The following ZNF827 variants were observed in gnomAD, a reference collection of about 807,000 sequenced individuals.
ZNF827 encodes zinc finger protein 827.
A neutral mutation model predicts 102.4 loss-of-function variants in ZNF827; 13 were observed. That is an observed-to-expected ratio of 0.13 (90% CI 0.08 to 0.20). The LOEUF (loss-of-function observed/expected upper bound fraction) is 0.20. Among genes scored for constraint, ZNF827 ranks in the 10% least tolerant of loss-of-function variants. ZNF827 has a pLI of 1.00. For synonymous variants in ZNF827, 523 were observed against 536.2 expected, an observed-to-expected ratio of 0.98 and a Z score of 0.34; for missense variants, 1,103 against 1,344.4, an observed-to-expected ratio of 0.82 and a Z score of 2.81.
intron 8 of ZNF827, among the ~76,000 whole-genome samples, chr4:145,781,368 T>C (rs969560922): frequency 6.6e-6 from 1 of 152,082 alleles, no homozygotes; most frequent in Non-Finnish European, 1.5e-5. Context: ...GGGATCAATT[T>C]TCACTGGAAT....
At position 145,760,499 on chromosome 4, in the gene ZNF827, A is replaced by G. The variant is rs111734519; in HGVS notation, c.*1117T>C. On this transcript the variant is annotated 3_prime_UTR_variant, in exon 15 of 15. Transcript: ENST00000508784. ...AGTACGGAGAAGGGCTGAGAGTGGGAGTGGGTGGCTGGGGAGGCATGCCTC... is the reference window on the plus strand; with the variant it reads ...AGTACGGAGAAGGGCTGAGAGTGGGGGTGGGTGGCTGGGGAGGCATGCCTC... 935 of 155,730 alleles carry G rather than the reference A, an allele frequency of 6.0e-3. 10 individuals are homozygous for G. Among genetic ancestry groups the G allele is most frequent in the African/African-American group, 0.021 (868 of 41,556 alleles). The allele number at this position is 155,730 out of a possible 1,614,324, so 9.6% of individuals were successfully genotyped here.
intron 1 of ZNF827, among the ~76,000 whole-genome samples, chr4:145,929,241 C>A (rs539946863): frequency 6.6e-6 from 1 of 152,256 alleles, no homozygotes; most frequent in African/African-American, 2.4e-5. Context: ...GCAGACCCTG[C>A]CTTTCCTTCT....
intron 8 of ZNF827, among the ~76,000 whole-genome samples, chr4:145,813,491 C>T (rs930343724): frequency 1.3e-5 from 2 of 149,482 alleles, no homozygotes; most frequent in African/African-American, 2.4e-5. Flanking sequence ...TGTTTTCAGG[C>T]CTCCACTAGG....
In ZNF827 at chr4:145,761,215, C is replaced by T. The variant is rs1285431956; in HGVS notation, c.*401G>A. 7.0e-6 allele frequency: 9 copies of T among 1,289,702 alleles called. No individual in the cohort carries two copies. The highest frequency in any genetic ancestry group is 8.1e-6 in the Non-Finnish European group (8 of 988,876). 79.9% of individuals were successfully genotyped at this position (1,289,702 alleles called of 1,614,324 possible). ...CCCACTCTGGTGCTTCTTGACGTGG[C>T]GGCTGAAGACGAAAGGGTGTGTGGT... is the stretch of plus-strand genomic sequence containing the variant. On this transcript the variant is annotated 3_prime_UTR_variant, in exon 15 of 15. Coordinates refer to ENST00000508784, the MANE Select transcript of ZNF827 (RefSeq NM_001306215.2). The surrounding 1 kb of genome is among the most constrained non-coding windows in gnomAD (Gnocchi z 6.8).
chr4:145,883,017 A>G (rs1005236559), intron 4 of ZNF827, among the ~76,000 whole-genome samples: 1 of 152,040 alleles, frequency 6.6e-6, no homozygotes, highest in Admixed American at 6.5e-5. Flanking sequence ...CAGTGAGAGC[A>G]GCTATCAAAC....
At chr4:145,787,785 T>C (rs548518088) in intron 8 of ZNF827, among the ~76,000 whole-genome samples, 1 of 152,290 alleles carries the variant, frequency 6.6e-6, no homozygotes, top group Admixed American at 6.5e-5. Context: ...AGGACTCTGA[T>C]ACTTCCAATC....
At chr4:145,936,536 T>A (rs936566274) in intron 1 of ZNF827, among the ~76,000 whole-genome samples, 9 of 152,112 alleles carry the variant, frequency 5.9e-5, no homozygotes, top group Non-Finnish European at 1.0e-4. Context: ...AGAGGAATGT[T>A]TGCGGAGCGG....
intron 8 of ZNF827, among the ~76,000 whole-genome samples, chr4:145,813,063 G>A (rs1250024548): frequency 2.6e-5 from 4 of 152,054 alleles, no homozygotes; most frequent in South Asian, 2.1e-4. Context: ...CCCTTTGTCC[G>A]GCATTCCATT....
chr4:145,930,518 A>G (rs533350191), intron 1 of ZNF827, among the ~76,000 whole-genome samples: 51 of 152,374 alleles, frequency 3.3e-4, no homozygotes, highest in African/African-American at 1.2e-3. Flanking sequence ...AAGAAGGTCC[A>G]TGCATTTCTT....
intron 8 of ZNF827, among the ~76,000 whole-genome samples, chr4:145,782,677 A>G (rs1358376034): frequency 6.6e-6 from 1 of 152,018 alleles, no homozygotes; most frequent in African/African-American, 2.4e-5. Context: ...CGAGGCACAA[A>G]TCTCATCATG....
intron 1 of ZNF827, chr4:145,906,947 C>T (rs1044745806): frequency 7.2e-6 from 3 of 417,748 alleles, no homozygotes; most frequent in Non-Finnish European, 1.4e-5. Context: ...GATGCTGCTA[C>T]TGAAATTGAG....
At chr4:145,934,866 G>A (rs1200434907) in intron 1 of ZNF827, among the ~76,000 whole-genome samples, 7 of 152,174 alleles carry the variant, frequency 4.6e-5, no homozygotes, top group Admixed American at 1.3e-4. Flanking sequence ...AAAGCCCTCC[G>A]AATTTTCTAT....
chr4:145,831,296 T>G (rs1744187806), intron 7 of ZNF827: 1 of 152,202 alleles, frequency 6.6e-6, no homozygotes, highest in Non-Finnish European at 1.5e-5. Context: ...GTGACCCCAG[T>G]GGGTTAGGCC....
chr4:145,770,945 GCAA>G (rs948159650), intron 11 of ZNF827: 2 of 152,322 alleles, frequency 1.3e-5, no homozygotes, highest in African/African-American at 4.8e-5. Context: ...CATCATCCCA[GCAA>G]CAGTGAGTAT....
In ZNF827 at chr4:145,882,703, C is replaced by T. The variant is rs536884125; in HGVS notation, c.1747+2975G>A. Among the ~76,000 whole-genome samples the T allele has an allele frequency of 1.8e-4, 27 of 152,300 alleles. 1 individual carries two copies. The highest frequency in any genetic ancestry group is 8.3e-4 in the South Asian group (4 of 4,828). On this transcript the variant is annotated intron_variant, in intron 4 of 14. Coordinates refer to ENST00000508784, the MANE Select transcript of ZNF827 (RefSeq NM_001306215.2). ...TTTTGGAAACAAGTAGGTGTCTGCACGCTTGAATTTGTCACTGTGCTCCAG... is the reference window on the plus strand; with the variant it reads ...TTTTGGAAACAAGTAGGTGTCTGCATGCTTGAATTTGTCACTGTGCTCCAG...
intron 8 of ZNF827, among the ~76,000 whole-genome samples, chr4:145,786,428 A>G (rs896971647): frequency 3.9e-5 from 6 of 152,220 alleles, no homozygotes; most frequent in African/African-American, 1.4e-4. Flanking sequence ...CAGATCAACT[A>G]AATCTCATTA....
Position 145,762,045 on chromosome 4 carries a change from G to A in ZNF827, c.*18-447C>T, listed in dbSNP as rs554409994. 1.3e-5 allele frequency among the ~76,000 whole-genome samples: 2 copies of A among 152,182 alleles called. No homozygotes were observed. Among genetic ancestry groups the A allele is most frequent in the African/African-American group, 4.8e-5 (2 of 41,526 alleles). ...ATCGACTTTTCATGCACCACACCAAGCACACGCAGAAAGGCTAAGAGGTTT... is the reference window on the plus strand; with the variant it reads ...ATCGACTTTTCATGCACCACACCAAACACACGCAGAAAGGCTAAGAGGTTT... On this transcript the variant is annotated intron_variant, in intron 14 of 14. Coordinates refer to ENST00000508784, the MANE Select transcript of ZNF827 (RefSeq NM_001306215.2). The surrounding 1 kb of genome is among the most constrained non-coding windows in gnomAD (Gnocchi z 4.9).
At chr4:145,922,852 T>A (rs1753170818) in intron 1 of ZNF827, among the ~76,000 whole-genome samples, 1 of 152,240 alleles carries the variant, frequency 6.6e-6, no homozygotes, top group African/African-American at 2.4e-5. Flanking sequence ...ACAGTGTTTG[T>A]TGCCAACAAT....
chr4:145,768,097 C>T (rs1398056879), intron 11 of ZNF827, among the ~76,000 whole-genome samples: 4 of 152,114 alleles, frequency 2.6e-5, no homozygotes, highest in South Asian at 2.1e-4. Context: ...AGTCTACTTG[C>T]GTGAGGTTCT....
Sources: allele counts gnomAD v4.1 joint callset (sites outside exome capture counted in the v4.1 genomes callset), GRCh38; gene constraint gnomAD v4.1.1; non-coding constraint Gnocchi (gnomAD v3.1); transcripts MANE v1.5; gene names NCBI Gene and HGNC (gene_info 2026-07-23, HGNC 2026-07-21).